The following PTPRG variants were observed in gnomAD, a reference collection of about 807,000 sequenced individuals.
PTPRG encodes receptor-type tyrosine-protein phosphatase gamma.
In PTPRG, 102 loss-of-function variants were observed where a neutral mutation model predicts 165.3. That is an observed-to-expected ratio of 0.62 (90% CI 0.53 to 0.73). The LOEUF (loss-of-function observed/expected upper bound fraction) is 0.73, where lower values mean the gene tolerates loss of function less well. Among genes scored for constraint, PTPRG ranks in the 30% least tolerant of loss-of-function variants. PTPRG has a pLI of 0.00. For synonymous variants in PTPRG, 675 were observed against 669.5 expected, an observed-to-expected ratio of 1.01 and a Z score of -0.13; for missense variants, 1,866 against 1,861.4, an observed-to-expected ratio of 1.00 and a Z score of -0.05.
intron 1 of PTPRG, among the ~76,000 whole-genome samples, chr3:61,578,609 C>A (rs1575514104): frequency 6.6e-6 from 1 of 152,214 alleles, no homozygotes; most frequent in Non-Finnish European, 1.5e-5. Flanking sequence ...TACTCTCCAG[C>A]CTGCTACTTA....
At chr3:62,260,228 C>G (rs1220902919) in intron 16 of PTPRG, among the ~76,000 whole-genome samples, 1 of 152,240 alleles carries the variant, frequency 6.6e-6, no homozygotes, top group Non-Finnish European at 1.5e-5. Flanking sequence ...GTTACCCCTA[C>G]TTGGTGTAAT....
At chr3:61,669,009 T>C (rs1396307434) in intron 1 of PTPRG, among the ~76,000 whole-genome samples, 2 of 152,228 alleles carry the variant, frequency 1.3e-5, no homozygotes, top group African/African-American at 4.8e-5. Context: ...TTAGATAATA[T>C]AGAAATGCTT....
chr3:61,652,541 C>A lies in PTPRG; in HGVS notation c.85+90169C>A, dbSNP rs531585074. ...TAGGGTTAAGGGATATTCAGTGGAG[C>A]AAATGTTCCCCTTCTCTGCCCTTCT... is the stretch of plus-strand genomic sequence containing the variant. On this transcript the variant is annotated intron_variant, in intron 1 of 29. Coordinates refer to ENST00000474889, the MANE Select transcript of PTPRG (RefSeq NM_002841.4). Among the ~76,000 whole-genome samples the A allele has an allele frequency of 2.0e-5, 3 of 152,128 alleles. No homozygotes were observed. In the South Asian group the frequency reaches 6.2e-4, roughly 32 times the overall value.
At chr3:62,011,354 G>C (rs2041419874) in intron 4 of PTPRG, among the ~76,000 whole-genome samples, 1 of 152,168 alleles carries the variant, frequency 6.6e-6, no homozygotes, top group Non-Finnish European at 1.5e-5. Context: ...TAGAAAGCTG[G>C]TTAACTCCTT....
chr3:61,844,156 GT>G (rs2036736805), intron 2 of PTPRG, among the ~76,000 whole-genome samples: 1 of 151,926 alleles, frequency 6.6e-6, no homozygotes, highest in Admixed American at 6.6e-5. Flanking sequence ...TAGAGATGGG[GT>G]TTCACCATAT....
chr3:62,184,687 A>G (rs1476751082), intron 8 of PTPRG, among the ~76,000 whole-genome samples: 1 of 152,178 alleles, frequency 6.6e-6, no homozygotes, highest in Non-Finnish European at 1.5e-5. Flanking sequence ...CTGCTGGCTT[A>G]AGCCAAGCTG....
intron 4 of PTPRG, among the ~76,000 whole-genome samples, chr3:62,005,962 C>G (rs1396744911): frequency 6.6e-6 from 1 of 152,042 alleles, no homozygotes; most frequent in Non-Finnish European, 1.5e-5. Flanking sequence ...CTCAGCCTCC[C>G]AAAGTGTTGG....
chr3:61,920,452 G>A (rs561507730), intron 2 of PTPRG, among the ~76,000 whole-genome samples: 1 of 152,282 alleles, frequency 6.6e-6, no homozygotes, highest in South Asian at 2.1e-4. Flanking sequence ...CTGGAGTGCA[G>A]TGGCACAATC....
At position 62,188,599 on chromosome 3, in the gene PTPRG, C is replaced by T. The variant is rs946661224; in HGVS notation, c.1034-2870C>T. Among the ~76,000 whole-genome samples the T allele has an allele frequency of 2.0e-5, 3 of 152,094 alleles. No individual in the cohort carries two copies. In the South Asian group the frequency reaches 6.2e-4, roughly 32 times the overall value. ...GGGTTCCTTTTTTAAAAAATATTAA[C>T]ATGAATCATCTTAATGCACACAGAA... On this transcript the variant is annotated intron_variant, in intron 8 of 29. Coordinates refer to ENST00000474889, the MANE Select transcript of PTPRG (RefSeq NM_002841.4).
chr3:62,281,826 T>A, intron 27 of PTPRG, 117 bp downstream of exon 27: 1 of 973,686 alleles, frequency 1.0e-6, no homozygotes, highest in Non-Finnish European at 1.5e-6. Context: ...GAGTAAGACT[T>A]AATTTTAAAT....
Position 62,267,608 on chromosome 3 carries a change from A to G in PTPRG, c.2740-77A>G. 5 of 1,547,970 alleles carry G rather than the reference A, an allele frequency of 3.2e-6. No homozygotes were observed. The Middle Eastern group carries it at 6.9e-4, about 214-fold the overall frequency. On this transcript the variant is annotated intron_variant, in intron 18 of 29. Coordinates refer to ENST00000474889, the MANE Select transcript of PTPRG (RefSeq NM_002841.4). Reference sequence around the variant, plus strand: ...TCACTAAAAACAAAGCCCATTCAATATGGAAGGCATTTGAATTATTGACTG... The same window carrying G: ...TCACTAAAAACAAAGCCCATTCAATGTGGAAGGCATTTGAATTATTGACTG...
intron 15 of PTPRG, 151 bp downstream of exon 15, chr3:62,244,049 A>G (rs1200517243): frequency 1.8e-6 from 1 of 552,408 alleles, no homozygotes; most frequent in Non-Finnish European, 3.2e-6. Context: ...AACTGAGTTA[A>G]TGTAGTATAC....
chr3:61,782,238 A>T (rs968205425), intron 2 of PTPRG, among the ~76,000 whole-genome samples: 9 of 152,114 alleles, frequency 5.9e-5, no homozygotes, highest in Non-Finnish European at 1.2e-4. Context: ...GCTTGCATTA[A>T]ACTTGCTTAA....
intron 1 of PTPRG, among the ~76,000 whole-genome samples, chr3:61,677,989 A>G (rs1296661766): frequency 2.0e-5 from 3 of 152,176 alleles, no homozygotes; most frequent in Non-Finnish European, 4.4e-5. Flanking sequence ...AGGTGCAGAC[A>G]CCACATTTGG....
chr3:61,814,708 C>A (rs187919836), intron 2 of PTPRG, among the ~76,000 whole-genome samples: 85 of 151,470 alleles, frequency 5.6e-4, no homozygotes, highest in African/African-American at 2.0e-3. Context: ...ACTTGTGTGC[C>A]ATGATAGGAT....
chr3:62,267,494 T>G lies in PTPRG; in HGVS notation c.2739+2T>G, dbSNP rs1478654203. The G allele has an allele frequency of 6.2e-7, 1 of 1,604,758 alleles. No individual in the cohort carries two copies. The highest frequency in any genetic ancestry group is 1.7e-5 in the Admixed American group (1 of 59,350). On this transcript the variant is annotated splice_donor_variant, in intron 18 of 29. Coordinates refer to ENST00000474889, the MANE Select transcript of PTPRG (RefSeq NM_002841.4). LOFTEE classifies it high-confidence loss of function. Reference sequence around the variant, plus strand: ...TACATTAATGCAAACTATGTTGATGTAAGTCAGAACTGTTATTATAAACCT... The same window carrying G: ...TACATTAATGCAAACTATGTTGATGGAAGTCAGAACTGTTATTATAAACCT...
At chr3:62,270,822 TAAAGG>T (rs918860535) in intron 20 of PTPRG, among the ~76,000 whole-genome samples, 10 of 152,150 alleles carry the variant, frequency 6.6e-5, no homozygotes, top group Non-Finnish European at 8.8e-5. Context: ...TTCAGACACT[TAAAGG>T]AAAACTACTC....
chr3:61,876,599 A>G (rs1395900847), intron 2 of PTPRG, among the ~76,000 whole-genome samples: 3 of 152,198 alleles, frequency 2.0e-5, no homozygotes, highest in African/African-American at 7.2e-5. Flanking sequence ...TATGCATAAC[A>G]AAACTAGGTT....
intron 2 of PTPRG, among the ~76,000 whole-genome samples, chr3:61,755,709 A>G (rs1472100458): frequency 6.6e-6 from 1 of 152,208 alleles, no homozygotes; most frequent in Non-Finnish European, 1.5e-5. Flanking sequence ...CAGTGATTAG[A>G]GAACCAGAAG....
Sources: allele counts gnomAD v4.1 joint callset (sites outside exome capture counted in the v4.1 genomes callset), GRCh38; gene constraint gnomAD v4.1.1; transcripts MANE v1.5; gene names NCBI Gene and HGNC (gene_info 2026-07-23, HGNC 2026-07-21).